Variants in ZNF365 observed in about 807,000 individuals in gnomAD.
ZNF365 encodes the protein protein ZNF365.
In ZNF365, 22 loss-of-function variants were observed where a neutral mutation model predicts 35.0. That is an observed-to-expected ratio of 0.63 (90% CI 0.45 to 0.90). The LOEUF is 0.90. Among genes scored for constraint, ZNF365 ranks in the 40% least tolerant of loss-of-function variants. The pLI is 0.00. For synonymous variants in ZNF365, 188 were observed against 196.2 expected (o/e 0.96, Z 0.35); for missense variants, 448 against 500.3 (o/e 0.90, Z 1.00).
chr10:62,464,358 A>G (rs900962671), intron 4 of ZNF365, among the ~76,000 whole-genome samples: 2 of 152,236 alleles, frequency 1.3e-5, no homozygotes, highest in African/African-American at 4.8e-5. Flanking sequence ...CACAACACGT[A>G]AGAGGATTGT....
At position 62,400,068 on chromosome 10, in the gene ZNF365, T is replaced by G; in HGVS notation, c.*279T>G. On this transcript the variant is annotated 3_prime_UTR_variant, in exon 5 of 5. Transcript: ENST00000395254. ...CTAACTTCTAAAGTAACTGGCCCAG[T>G]CTCCAGTAATCTTGGCATCTGGGCT... 1 of 1,152,284 alleles carries G rather than the reference T, an allele frequency of 8.7e-7. No individual in the cohort carries two copies. The highest frequency in any genetic ancestry group is 1.1e-6 in the Non-Finnish European group (1 of 934,818). The allele number at this position is 1,152,284 out of a possible 1,614,324, so 71.4% of individuals were successfully genotyped here.
chr10:62,474,068 C>T (rs1589475208), intron 4 of ZNF365, among the ~76,000 whole-genome samples: 1 of 152,320 alleles, frequency 6.6e-6, no homozygotes, highest in East Asian at 1.9e-4. Context: ...AGTATCCCCA[C>T]CACCACCAGT....
At chr10:62,420,824 C>T (rs906851470) in intron 3 of ZNF365, among the ~76,000 whole-genome samples, 7 of 151,682 alleles carry the variant, frequency 4.6e-5, no homozygotes, top group Admixed American at 4.6e-4. Flanking sequence ...ACTCTGTCAC[C>T]TGGGCTGGAG....
chr10:62,386,203 C>G (rs750784058), intron 2 of ZNF365, among the ~76,000 whole-genome samples: 2 of 152,148 alleles, frequency 1.3e-5, no homozygotes, highest in African/African-American at 2.4e-5. Flanking sequence ...AAGTTTGTGG[C>G]TCATGTAGGA....
At chr10:62,450,143 T>C (rs1369658471) in intron 3 of ZNF365, among the ~76,000 whole-genome samples, 1 of 152,126 alleles carries the variant, frequency 6.6e-6, no homozygotes, top group African/African-American at 2.4e-5. Flanking sequence ...GTGGTGATTG[T>C]CTTGTATGAC....
Position 62,401,229 on chromosome 10 carries a change from TG to T in ZNF365, c.*1442del. ...GGAGAAAGTGTGTGTTTGTGGTGGG[TG>T]GTTTTTAAACTATATATGTTTGTTC... On this transcript the variant is annotated 3_prime_UTR_variant, in exon 5 of 5. Coordinates refer to ENST00000395254, the MANE Select transcript of ZNF365 (RefSeq NM_014951.3). 1 of 985,170 alleles carries T rather than the reference TG, an allele frequency of 1.0e-6. No homozygotes were observed. The highest frequency in any genetic ancestry group is 1.2e-6 in the Non-Finnish European group (1 of 829,606). 61.0% of individuals were successfully genotyped at this position (985,170 alleles called of 1,614,324 possible).
rs1589422040 is a variant in ZNF365, at chr10:62,374,444, GCAGCAA to G, written c.-25_-20del. On this transcript the variant is annotated 5_prime_UTR_variant, in exon 1 of 5. Transcript: ENST00000395254. ...ACCGGAGGCGGCGGCTGCAGCAGCA[GCAGCAA>G]CAAGTCGGGTAAGAGGCGGCCGCCG... 1 of 152,572 alleles carries G rather than the reference GCAGCAA, an allele frequency of 6.6e-6. No homozygotes were observed. The highest frequency in any genetic ancestry group is 2.1e-4 in the South Asian group (1 of 4,838). The allele number at this position is 152,572 out of a possible 1,614,324, so 9.5% of individuals were successfully genotyped here.
chr10:62,415,932 G>T (rs1840066549), intron 3 of ZNF365, among the ~76,000 whole-genome samples: 1 of 152,060 alleles, frequency 6.6e-6, no homozygotes, highest in Admixed American at 6.6e-5. Context: ...GTCCTCTTTG[G>T]TTCAACAGCT....
chr10:62,404,377 A>G (rs1839874510), downstream of ZNF365, among the ~76,000 whole-genome samples: 1 of 152,240 alleles, frequency 6.6e-6, no homozygotes. Flanking sequence ...CTGTGAGAGA[A>G]AGTTCTGAGG....
At chr10:62,419,484 G>GT (rs1361694351) in intron 3 of ZNF365, among the ~76,000 whole-genome samples, 1 of 145,140 alleles carries the variant, frequency 6.9e-6, no homozygotes, top group African/African-American at 2.6e-5. Context: ...TTACAAGCAG[G>GT]TTTTTAAAGG....
At chr10:62,427,893 G>T (rs148259262) in intron 3 of ZNF365, among the ~76,000 whole-genome samples, 2 of 152,270 alleles carry the variant, frequency 1.3e-5, no homozygotes, top group East Asian at 3.9e-4. Context: ...TTGCAGAAGT[G>T]TTCTGAGTTG....
intron 1 of ZNF365, among the ~76,000 whole-genome samples, chr10:62,374,708 T>A (rs1235981034): frequency 6.6e-6 from 1 of 152,200 alleles, no homozygotes; most frequent in African/African-American, 2.4e-5. Context: ...CCTGCCCTTC[T>A]CTGGCAGAGT....
chr10:62,391,671 T>C (rs906511880), intron 3 of ZNF365, among the ~76,000 whole-genome samples: 1 of 152,204 alleles, frequency 6.6e-6, no homozygotes, highest in Non-Finnish European at 1.5e-5. Context: ...TTTGGGCTGG[T>C]TCAGTATTTT....
In ZNF365 at chr10:62,398,771, A is replaced by G; in HGVS notation, c.956A>G (p.Lys319Arg). The G allele has an allele frequency of 6.2e-7, 1 of 1,612,496 alleles. No homozygotes were observed. The highest frequency in any genetic ancestry group is 1.3e-5 in the African/African-American group (1 of 74,980). Reference protein sequence around the residue: ...LTDISSNRKPKCLSRGHPHSV... With the variant: ...LTDISSNRKPRCLSRGHPHSV... ...GACATCTCCTCAAATAGGAAGCCCAAATGCCTGTATGTATGTATTTTTATA... is the reference window on the plus strand; with the variant it reads ...GACATCTCCTCAAATAGGAAGCCCAGATGCCTGTATGTATGTATTTTTATA... The change falls in exon 4 of 5, where the codon AAA becomes AGA. Residue 319 changes from lysine (K) to arginine (R), a missense_variant. Physicochemically the swap from Lys to Arg is conservative, Grantham distance 26. Around this residue, in one of 3 missense-constraint regions of ZNF365, gnomAD observed 362 missense variants for 375.7 expected, o/e 0.96. Coordinates refer to ENST00000395254, the MANE Select transcript of ZNF365 (RefSeq NM_014951.3).
At chr10:62,468,865 C>G (rs1000456098) in intron 4 of ZNF365, among the ~76,000 whole-genome samples, 4 of 152,158 alleles carry the variant, frequency 2.6e-5, no homozygotes, top group African/African-American at 9.7e-5. Flanking sequence ...TAATGGGTGC[C>G]AAAACCACTG....
At chr10:62,382,600 A>G (rs1310989249) in intron 2 of ZNF365, among the ~76,000 whole-genome samples, 2 of 152,180 alleles carry the variant, frequency 1.3e-5, no homozygotes, top group Admixed American at 6.5e-5. Context: ...CTTACAACCA[A>G]TGAGAATAGT....
intron 3 of ZNF365, among the ~76,000 whole-genome samples, chr10:62,444,924 C>A (rs987017718): frequency 1.3e-5 from 2 of 151,978 alleles, no homozygotes; most frequent in African/African-American, 2.4e-5. Context: ...ATCCCTCCCC[C>A]CTCTCCCCAC....
rs1448137580 is a variant in ZNF365, at chr10:62,376,273, G to T, written c.80G>T (p.Arg27Leu). 1 of 1,614,074 alleles carries T rather than the reference G, an allele frequency of 6.2e-7. No homozygotes were observed. The highest frequency in any genetic ancestry group is 2.2e-5 in the East Asian group (1 of 44,874). The change falls in exon 2 of 5, where the codon CGC (arginine) becomes CTC (leucine). Residue 27 changes from arginine to leucine, a missense_variant. By Grantham distance (102) the Arg-to-Leu change is moderately radical. This residue lies in a region of ZNF365 where 76 missense variants were observed against 96.7 expected (regional missense o/e 0.79). Transcript: ENST00000395254. The stretch of plus-strand genomic sequence containing the variant: ...AATGTTGCTGTGTGCCTGCCATTAC[G>T]CTGCCCGAGGTGTGGAGACCATACC... ...FENVAVCLPLRCPRCGDHTRF... is the reference protein window; with the variant it reads ...FENVAVCLPLLCPRCGDHTRF...
At chr10:62,446,179 G>T (rs906396710) in intron 3 of ZNF365, among the ~76,000 whole-genome samples, 1 of 152,160 alleles carries the variant, frequency 6.6e-6, no homozygotes, top group Non-Finnish European at 1.5e-5. Context: ...TACCAGAAAA[G>T]GACCCAGAGT....
Sources: gnomAD v4.1 joint callset for allele counts (sites outside exome capture counted in the v4.1 genomes callset) on GRCh38, gnomAD v4.1.1 for gene constraint, gnomAD v4.1.1 regional missense constraint, MANE v1.5 for transcripts, NCBI Gene and HGNC (gene_info 2026-07-23, HGNC 2026-07-21) for gene names.